The following PJA2 variants were observed in gnomAD, a reference collection of about 807,000 sequenced individuals.
PJA2 encodes the protein praja ring finger ubiquitin ligase 2, also known as E3 ubiquitin-protein ligase Praja-2.
Under a neutral mutation model 69.3 loss-of-function variants are expected in PJA2, and 25 were observed. That is an observed-to-expected ratio of 0.36 (90% CI 0.26 to 0.50). The LOEUF (loss-of-function observed/expected upper bound fraction) is 0.50, where lower values mean the gene tolerates loss of function less well. Ranked by LOEUF, PJA2 falls within the 20% of genes least tolerant of loss-of-function variation. PJA2 has a pLI of 0.96. For synonymous variants in PJA2, 308 were observed against 277.8 expected (o/e 1.11, Z -1.08); for missense variants, 809 against 830.2 (o/e 0.97, Z 0.31).
intron 4 of PJA2, among the ~76,000 whole-genome samples, chr5:109,375,337 C>A (rs1582610436): frequency 6.6e-6 from 1 of 151,786 alleles, no homozygotes; most frequent in East Asian, 1.9e-4. Flanking sequence ...TGGTGAAACC[C>A]CATCTCTACT....
chr5:109,365,475 T>C (rs914086068), intron 5 of PJA2, among the ~76,000 whole-genome samples: 1 of 150,126 alleles, frequency 6.7e-6, no homozygotes, highest in African/African-American at 2.5e-5. Context: ...ATATATGCTT[T>C]TATGTGTACG....
intron 1 of PJA2, among the ~76,000 whole-genome samples, chr5:109,387,545 G>A (rs1747186416): frequency 6.6e-6 from 1 of 152,134 alleles, no homozygotes; most frequent in Non-Finnish European, 1.5e-5. Flanking sequence ...CTCTACTTGT[G>A]ACAATTAGTC....
At chr5:109,352,323 C>A (rs899361020) in intron 7 of PJA2, among the ~76,000 whole-genome samples, 2 of 152,268 alleles carry the variant, frequency 1.3e-5, no homozygotes, top group South Asian at 2.1e-4. Context: ...CTCAACACTT[C>A]TTTTTAAAGT....
In PJA2 at chr5:109,353,787, CTA is replaced by C. The variant is rs1237761936; in HGVS notation, c.1764+2126_1764+2127del. On this transcript the variant is annotated intron_variant, in intron 7 of 9. Transcript: ENST00000361189. ...CTAGAGATATCTATAGATTAGATGT[CTA>C]TGATATCTAGAGATATCTATAGATT... Among the ~76,000 whole-genome samples, 11 of 138,276 alleles carry C rather than the reference CTA, an allele frequency of 8.0e-5. No homozygotes were observed. In the East Asian group the frequency reaches 1.5e-3, roughly 19 times the overall value. The allele number at this position is 138,276 out of a possible 152,430, so 90.7% of individuals were successfully genotyped here.
chr5:109,399,879 G>A (rs184333809), intron 1 of PJA2, among the ~76,000 whole-genome samples: 1 of 152,236 alleles, frequency 6.6e-6, no homozygotes, highest in East Asian at 1.9e-4. Flanking sequence ...ATCAACTCAT[G>A]AGAAATTTCA....
At chr5:109,386,525 A>G (rs1747162090) in intron 1 of PJA2, among the ~76,000 whole-genome samples, 2 of 152,180 alleles carry the variant, frequency 1.3e-5, no homozygotes, top group Admixed American at 6.5e-5. Context: ...GCCGTCTAAC[A>G]TCCTGATCTA....
At chr5:109,353,465 A>G (rs1326113461) in intron 7 of PJA2, among the ~76,000 whole-genome samples, 1 of 113,732 alleles carries the variant, frequency 8.8e-6, no homozygotes, top group Non-Finnish European at 2.0e-5. Context: ...TTAGATACCT[A>G]TATCTATAGA....
intron 5 of PJA2, among the ~76,000 whole-genome samples, chr5:109,365,103 C>T (rs1762564442): frequency 6.6e-6 from 1 of 152,206 alleles, no homozygotes; most frequent in Non-Finnish European, 1.5e-5. Flanking sequence ...GGTTTATGCA[C>T]ACTCACTGAC....
intron 8 of PJA2, 23 bp downstream of exon 8, chr5:109,344,682 T>C (rs1762144732): frequency 2.0e-6 from 3 of 1,469,028 alleles, no homozygotes; most frequent in Non-Finnish European, 2.9e-6. Context: ...TTCTTCAACA[T>C]TTGAGATCAA....
rs575672957 is a variant in PJA2, at chr5:109,378,440, A to C, written c.1047T>G (p.Ala349=). 6.2e-7 allele frequency: 1 copy of C among 1,614,114 alleles called. No homozygotes were observed. The highest frequency in any genetic ancestry group is 1.1e-5 in the South Asian group (1 of 91,080). The change falls in exon 4 of 10, where the codon GCT becomes GCG. Residue 349 remains alanine (A), a synonymous_variant. Coordinates refer to ENST00000361189, the MANE Select transcript of PJA2 (RefSeq NM_014819.5). The part of the protein sequence containing the change: ...KQRSVQRWRE[A]LEVEESGSDD... ...CTGAGCCACTTTCCTCAACTTCCAA[A>C]GCCTCTCTCCATCTTTGAACACTTC...
rs569934350 is a variant in PJA2, at chr5:109,344,720, G to C, written c.1864C>G (p.Leu622Val). The change falls in exon 8 of 10, where the codon CTT (leucine) becomes GTT (valine). Residue 622 changes from leucine to valine, a missense_variant. Physicochemically the swap from Leu to Val is conservative, Grantham distance 32. Coordinates refer to ENST00000361189, the MANE Select transcript of PJA2 (RefSeq NM_014819.5). The part of the protein sequence containing the change: ...SIDGLPETLV[L>V]EDHTAIGQEQ... The stretch of plus-strand genomic sequence containing the variant: ...TTGCCCTTACCAGTGTGATCTTCAA[G>C]AACAAGGGTCTCTGGAAGACCATCA... 1.1e-5 allele frequency: 17 copies of C among 1,613,156 alleles called. No homozygotes were observed. In the African/African-American group the frequency reaches 2.3e-4, roughly 21 times the overall value.
intron 7 of PJA2, among the ~76,000 whole-genome samples, chr5:109,353,402 C>A (rs1193034366): frequency 1.9e-5 from 2 of 107,858 alleles, no homozygotes; most frequent in South Asian, 3.2e-4. Context: ...ATATTAGATA[C>A]CTATATCTAT....
chr5:109,349,096 A>T (rs1762211691), intron 7 of PJA2, among the ~76,000 whole-genome samples: 1 of 152,184 alleles, frequency 6.6e-6, no homozygotes. Flanking sequence ...GTGAAACTTC[A>T]TTTGTAGTAA....
intron 7 of PJA2, among the ~76,000 whole-genome samples, chr5:109,354,030 TA>T (rs1270811505): frequency 2.1e-5 from 3 of 144,556 alleles, no homozygotes; most frequent in African/African-American, 7.8e-5. Context: ...CTATGATATC[TA>T]GAGATATCTA....
intron 7 of PJA2, among the ~76,000 whole-genome samples, chr5:109,350,647 C>T (rs1003228149): frequency 6.6e-6 from 1 of 152,118 alleles, no homozygotes; most frequent in Non-Finnish European, 1.5e-5. Context: ...CTCACAATAA[C>T]CCATCAGGTA....
At chr5:109,381,795 T>A in intron 2 of PJA2, 92 bp from the exon 3 acceptor site, 1 of 1,021,056 alleles carries the variant, frequency 9.8e-7, no homozygotes, top group Non-Finnish European at 1.4e-6. Flanking sequence ...TATATTTTAT[T>A]ATTTATCAAA....
At chr5:109,338,792 A>C (rs1420979185) in intron 9 of PJA2, among the ~76,000 whole-genome samples, 1 of 152,192 alleles carries the variant, frequency 6.6e-6, no homozygotes, top group Non-Finnish European at 1.5e-5. Context: ...GACAAGTAAC[A>C]ATCATTAGAA....
chr5:109,388,048 C>A (rs955087857), intron 1 of PJA2, among the ~76,000 whole-genome samples: 1 of 152,136 alleles, frequency 6.6e-6, no homozygotes, highest in Non-Finnish European at 1.5e-5. Flanking sequence ...TATTAGAGCC[C>A]TCTCTTGTGA....
intron 7 of PJA2, among the ~76,000 whole-genome samples, chr5:109,354,930 C>A (rs1038372683): frequency 2.6e-5 from 4 of 151,652 alleles, no homozygotes; most frequent in Non-Finnish European, 5.9e-5. Flanking sequence ...GCCTGGGTAA[C>A]ATAATTGGAC....
Sources: allele counts gnomAD v4.1 joint callset (sites outside exome capture counted in the v4.1 genomes callset), GRCh38; gene constraint gnomAD v4.1.1; transcripts MANE v1.5; gene names NCBI Gene and HGNC (gene_info 2026-07-23, HGNC 2026-07-21).